The following CPM variants were observed in gnomAD, a reference collection of about 807,000 sequenced individuals.
CPM encodes carboxypeptidase M, also known as renal carboxypeptidase.
A neutral mutation model predicts 46.4 loss-of-function variants in CPM; 35 were observed. The ratio of observed to expected loss-of-function variants is 0.75; its 90% confidence interval spans 0.58 to 1.00. CPM has a LOEUF of 1.00. Ranked by LOEUF, CPM falls within the 50% of genes least tolerant of loss-of-function variation. The pLI, the probability that CPM is intolerant of heterozygous loss-of-function variation, is 0.00. For synonymous variants in CPM, 195 were observed against 195.3 expected, an observed-to-expected ratio of 1.00 and a Z score of 0.01; for missense variants, 422 against 530.4, an observed-to-expected ratio of 0.80 and a Z score of 2.01.
chr12:68,951,437 T>C (rs1308348623), intron 1 of CPM, among the ~76,000 whole-genome samples: 2 of 152,008 alleles, frequency 1.3e-5, no homozygotes, highest in African/African-American at 4.8e-5. Context: ...AGGAGTAGGA[T>C]GGGAGGACTA....
chr12:68,867,355 A>T (rs1416637170), intron 6 of CPM, among the ~76,000 whole-genome samples: 3 of 152,214 alleles, frequency 2.0e-5, no homozygotes, highest in Non-Finnish European at 4.4e-5. Flanking sequence ...TACAAAAATG[A>T]TTCTTTGAAT....
chr12:68,870,527 G>T (rs1349288110), intron 4 of CPM, 128 bp from the exon 5 acceptor site: 3 of 751,978 alleles, frequency 4.0e-6, no homozygotes, highest in Non-Finnish European at 6.3e-6. Flanking sequence ...GTGGATGGCT[G>T]CCCTTGTGGC....
intron 1 of CPM, among the ~76,000 whole-genome samples, chr12:68,959,542 T>C (rs528958924): frequency 2.0e-5 from 3 of 152,320 alleles, no homozygotes; most frequent in African/African-American, 7.2e-5. Context: ...CAAGGACAAA[T>C]ACATTATAAT....
At chr12:68,908,009 AG>A (rs1198132447) in intron 2 of CPM, among the ~76,000 whole-genome samples, 1 of 152,080 alleles carries the variant, frequency 6.6e-6, no homozygotes, top group African/African-American at 2.4e-5. Context: ...TTGTATTTTT[AG>A]TAGAGACGAG....
chr12:68,879,070 C>T (rs372765288), intron 3 of CPM, among the ~76,000 whole-genome samples: 37 of 152,270 alleles, frequency 2.4e-4, no homozygotes, highest in African/African-American at 8.4e-4. Context: ...CACCTCTAGA[C>T]CTAGCTATGT....
At chr12:68,941,324 A>C (rs1888757875) in intron 1 of CPM, among the ~76,000 whole-genome samples, 2 of 152,100 alleles carry the variant, frequency 1.3e-5, no homozygotes, top group South Asian at 4.1e-4. Flanking sequence ...GGTCGCTCAG[A>C]AATAACTCGC....
At chr12:68,842,725 T>TTA (rs1883892687) in intron 5 of CPM, 1 of 196,250 alleles carries the variant, frequency 5.1e-6, no homozygotes, top group Admixed American at 5.6e-5. Context: ...TGCAGTAAAA[T>TTA]ATGCCCTTTA....
At position 68,931,232 on chromosome 12, in the gene CPM, C is replaced by T. The variant is rs147235635; in HGVS notation, c.160+1446G>A. ...TAATACTTTTTCTTTAATATAGAAG[C>T]CATAGCCTTGATTTTTTTGAAAAAT... On this transcript the variant is annotated intron_variant, in intron 2 of 8. Coordinates refer to ENST00000551568, the MANE Select transcript of CPM (RefSeq NM_198320.5). 8.7e-4 allele frequency among the ~76,000 whole-genome samples: 132 copies of T among 152,138 alleles called. 1 individual carries two copies. The highest frequency in any genetic ancestry group is 3.4e-3 in the Middle Eastern group (1 of 294).
intron 2 of CPM, among the ~76,000 whole-genome samples, chr12:68,906,801 T>G (rs1214732703): frequency 6.6e-6 from 1 of 152,242 alleles, no homozygotes; most frequent in Non-Finnish European, 1.5e-5. Flanking sequence ...CACATTTGTG[T>G]AGACAGCAGC....
chr12:68,897,492 G>A (rs377383961), intron 2 of CPM, among the ~76,000 whole-genome samples: 5 of 152,062 alleles, frequency 3.3e-5, no homozygotes, highest in Non-Finnish European at 4.4e-5. Flanking sequence ...TACTTAAAGA[G>A]ATTTCTTGGC....
upstream of CPM, among the ~76,000 whole-genome samples, chr12:68,936,936 A>G (rs1888682880): frequency 1.3e-5 from 2 of 152,262 alleles, no homozygotes; most frequent in African/African-American, 4.8e-5. Flanking sequence ...GCTAATAAAT[A>G]TAGTAAAGGT....
chr12:68,934,218 T>C (rs990766706), upstream of CPM, among the ~76,000 whole-genome samples: 1 of 152,150 alleles, frequency 6.6e-6, no homozygotes, highest in Non-Finnish European at 1.5e-5. Flanking sequence ...ATAAAAAGTT[T>C]GAAAACCACT....
chr12:68,884,066 T>A (rs541720706), intron 3 of CPM, among the ~76,000 whole-genome samples: 1 of 130,680 alleles, frequency 7.7e-6, no homozygotes, highest in Non-Finnish European at 1.5e-5. Context: ...GCCGAGATCA[T>A]GCCATTGCAC....
rs758423925 is a variant in CPM at position 68,855,887 on chromosome 12, C to T, written c.*550G>A. On this transcript the variant is annotated 3_prime_UTR_variant, in exon 9 of 9. Coordinates refer to ENST00000551568, the MANE Select transcript of CPM (RefSeq NM_198320.5). Reference sequence around the variant, plus strand: ...CTGAAAGGCTGCGATTACAGGTGCCCGCCACCACACCCCGCTAATATTTAG... The same window carrying T: ...CTGAAAGGCTGCGATTACAGGTGCCTGCCACCACACCCCGCTAATATTTAG... 11 of 153,276 alleles carry T rather than the reference C, an allele frequency of 7.2e-5. No individual in the cohort carries two copies. Among genetic ancestry groups the T allele is most frequent in the Admixed American group, 1.3e-4 (2 of 15,518 alleles). The allele number at this position is 153,276 out of a possible 1,614,324, so 9.5% of individuals were successfully genotyped here. A position where few individuals can be genotyped will look rare whatever the true frequency, so the allele number is the denominator to read the frequency against.
At chr12:68,962,121 AC>A (rs1283481691) in intron 1 of CPM, among the ~76,000 whole-genome samples, 2 of 150,900 alleles carry the variant, frequency 1.3e-5, no homozygotes, top group African/African-American at 2.5e-5. Flanking sequence ...AATGGCGTGA[AC>A]CTGGGAGGCG....
chr12:68,906,291 C>A (rs73146638), intron 2 of CPM, among the ~76,000 whole-genome samples: 25,485 of 151,898 alleles, frequency 0.17, 2,811 homozygotes, highest in African/African-American at 0.31. Context: ...TGGGCCCCAT[C>A]CAGAACAGGA....
upstream of CPM, among the ~76,000 whole-genome samples, chr12:68,936,524 C>T (rs570421492): frequency 6.6e-6 from 1 of 152,250 alleles, no homozygotes; most frequent in Admixed American, 6.5e-5. Flanking sequence ...GCTGGGATTA[C>T]AGGTGCCCAC....
chr12:68,960,691 A>T (rs1036435173), intron 1 of CPM, among the ~76,000 whole-genome samples: 1 of 152,170 alleles, frequency 6.6e-6, no homozygotes, highest in Admixed American at 6.5e-5. Context: ...TATATATATT[A>T]AAAATGTCAA....
rs1414158489 is a variant in CPM at position 68,945,148 on chromosome 12, T to C, written c.-3-12308A>G. Among the ~76,000 whole-genome samples, 3 of 152,224 alleles carry C rather than the reference T, an allele frequency of 2.0e-5. No individual in the cohort carries two copies. The East Asian group carries it at 5.8e-4, about 29-fold the overall frequency. On this transcript the variant is annotated intron_variant, in intron 1 of 8. Coordinates refer to the CPM transcript ENST00000546373. ...GGATTATAAAAGTATACCTATACTT[T>C]AGCAGAATTCAGGTCCCTCCAATAA...
Sources: allele counts gnomAD v4.1 joint callset (sites outside exome capture counted in the v4.1 genomes callset), GRCh38; gene constraint gnomAD v4.1.1; transcripts MANE v1.5; gene names NCBI Gene and HGNC (gene_info 2026-07-23, HGNC 2026-07-21).